PPFIBP1: variants seen among roughly 807,000 people sequenced by gnomAD.
PPFIBP1 encodes the protein PPFIB scaffold protein 1, also known as liprin-beta-1.
A neutral mutation model predicts 137.8 loss-of-function variants in PPFIBP1; 112 were observed. The ratio of observed to expected loss-of-function variants is 0.81; its 90% confidence interval spans 0.70 to 0.95. The LOEUF is 0.95. Among genes scored for constraint, PPFIBP1 ranks in the 40% least tolerant of loss-of-function variants. PPFIBP1 has a pLI of 0.00. For missense variants in PPFIBP1, 1,083 were observed against 1,196.6 expected, an observed-to-expected ratio of 0.91 and a Z score of 1.40; for synonymous variants, 378 against 417.3, an observed-to-expected ratio of 0.91 and a Z score of 1.15.
At chr12:27,583,045 A>G (rs1180576916) in intron 2 of PPFIBP1, among the ~76,000 whole-genome samples, 1 of 152,154 alleles carries the variant, frequency 6.6e-6, no homozygotes, top group Non-Finnish European at 1.5e-5. Context: ...TGATATTAAG[A>G]TATTTTTGAG....
At chr12:27,544,178 C>T (rs1282519687) in intron 1 of PPFIBP1, among the ~76,000 whole-genome samples, 2 of 152,090 alleles carry the variant, frequency 1.3e-5, no homozygotes, top group African/African-American at 4.8e-5. Context: ...CATCATGTCC[C>T]CCCTGATTTT....
chr12:27,652,878 T>C (rs1348110297), intron 7 of PPFIBP1, among the ~76,000 whole-genome samples: 1 of 152,234 alleles, frequency 6.6e-6, no homozygotes, highest in Admixed American at 6.5e-5. Context: ...CTGATTTTTT[T>C]CTTTAGACTT....
chr12:27,626,509 G>T (rs979756107), intron 2 of PPFIBP1, among the ~76,000 whole-genome samples: 2 of 152,100 alleles, frequency 1.3e-5, no homozygotes, highest in African/African-American at 2.4e-5. Context: ...AACACCGATT[G>T]CTGGGCCTGC....
chr12:27,685,199 T>G lies in PPFIBP1; in HGVS notation c.2248-2186T>G, dbSNP rs113809117. ...AGTATTATACACACATATGTAATAC[T>G]GTAGATACATAGAGTATGTATATAT... On this transcript the variant is annotated intron_variant, in intron 24 of 29. Transcript: ENST00000228425. Among the ~76,000 whole-genome samples the G allele has an allele frequency of 8.5e-4, 128 of 151,432 alleles. 3 individuals are homozygous for G. The highest frequency in any genetic ancestry group is 3.0e-3 in the African/African-American group (124 of 40,866).
At chr12:27,635,594 C>G in intron 4 of PPFIBP1, 1 of 172,334 alleles carries the variant, frequency 5.8e-6, no homozygotes, top group Non-Finnish European at 1.3e-5. Flanking sequence ...AGTTCCAGTT[C>G]CCGAATTAAA....
At chr12:27,554,881 T>C (rs1042153060) in intron 1 of PPFIBP1, among the ~76,000 whole-genome samples, 2 of 151,898 alleles carry the variant, frequency 1.3e-5, no homozygotes, top group African/African-American at 4.8e-5. Flanking sequence ...TTGTGTCCCC[T>C]TCGGAGTGGT....
chr12:27,687,321 C>T (rs1326188410), intron 24 of PPFIBP1, 64 bp from the exon 25 acceptor site: 8 of 1,554,178 alleles, frequency 5.1e-6, no homozygotes, highest in East Asian at 2.3e-5. Flanking sequence ...TTCTGAGATT[C>T]CCTAAGAAAG....
At chr12:27,674,898 G>A (rs936655349) in intron 17 of PPFIBP1, among the ~76,000 whole-genome samples, 2 of 139,938 alleles carry the variant, frequency 1.4e-5, no homozygotes, top group South Asian at 2.2e-4. Flanking sequence ...CTGTAGCCTC[G>A]ATTTCCTGGG....
At chr12:27,645,438 ATT>A (rs57495507) in intron 4 of PPFIBP1, among the ~76,000 whole-genome samples, 73,984 of 151,666 alleles carry the variant, frequency 0.49, 18,367 homozygotes, top group East Asian at 0.59. Flanking sequence ...CTGAAACATG[ATT>A]TTTTTTTAAA....
Position 27,592,780 on chromosome 12 carries a change from G to T in PPFIBP1, c.-36+14541G>T, listed in dbSNP as rs189407032. ...AGAAAATAAAGAATATGTTAGGTAG[G>T]CGTAACCATGACAGCAGCCAAGTCA... On this transcript the variant is annotated intron_variant, in intron 2 of 29. Transcript: ENST00000228425. The T allele has an allele frequency of 3.6e-4, 273 of 757,046 alleles. 2 individuals carry two copies. The African/African-American group carries it at 3.7e-3, about 10-fold the overall frequency. The allele number at this position is 757,046 out of a possible 1,614,324, so 46.9% of individuals were successfully genotyped here.
intron 2 of PPFIBP1, among the ~76,000 whole-genome samples, chr12:27,613,269 G>A (rs923262197): frequency 3.3e-5 from 5 of 152,232 alleles, no homozygotes; most frequent in African/African-American, 1.2e-4. Context: ...TCCATCTGGT[G>A]ACCTGATGGT....
chr12:27,627,190 G>A (rs1166054370), intron 2 of PPFIBP1, among the ~76,000 whole-genome samples: 2 of 152,132 alleles, frequency 1.3e-5, no homozygotes, highest in African/African-American at 4.8e-5. Context: ...TAGCAAATAT[G>A]ATGTCTCTGT....
Position 27,682,414 on chromosome 12 carries a change from C to G in PPFIBP1, c.2074C>G (p.Arg692Gly), listed in dbSNP as rs753382703. 6.2e-7 allele frequency: 1 copy of G among 1,613,216 alleles called. No homozygotes were observed. The highest frequency in any genetic ancestry group is 1.3e-5 in the African/African-American group (1 of 74,914). Residue 692 changes from arginine to glycine, a missense_variant, in exon 23 of 30, where the codon CGA becomes GGA. By Grantham distance (125) the Arg-to-Gly change is moderately radical. Coordinates refer to ENST00000228425, the MANE Select transcript of PPFIBP1 (RefSeq NM_003622.4). ...KELGIKHSLH[R>G]KKLQLALQAL... ...ACTTGGAATCAAGCATTCACTTCAT[C>G]GAAAGAAACTCCAGCTAGCACTCCA...
At chr12:27,594,172 CT>C in intron 2 of PPFIBP1, 5 of 252,774 alleles carry the variant, frequency 2.0e-5, no homozygotes, top group Non-Finnish European at 2.8e-5. Context: ...ATCCCCTTTT[CT>C]ATTTTTTTTT....
rs759688929 is a variant in PPFIBP1 at position 27,660,888 on chromosome 12, C to G, written c.849C>G (p.Ile283Met). 1 of 1,612,814 alleles carries G rather than the reference C, an allele frequency of 6.2e-7. No homozygotes were observed. The highest frequency in any genetic ancestry group is 1.1e-5 in the South Asian group (1 of 90,896). The change falls in exon 11 of 30, where the codon ATC becomes ATG. Residue 283 changes from isoleucine (I) to methionine (M), a missense_variant. Coordinates refer to ENST00000228425, the MANE Select transcript of PPFIBP1 (RefSeq NM_003622.4). ...CTGATTTGATGTTATTTTCAGACAT[C>G]GAAGTACAAAAAATGAAAAAAGCTG... ...NFKKKLKEKN[I>M]EVQKMKKAVE... is the part of the protein sequence containing the mutation.
chr12:27,626,241 A>AT (rs1397798558), intron 2 of PPFIBP1, among the ~76,000 whole-genome samples: 2 of 152,218 alleles, frequency 1.3e-5, no homozygotes, highest in South Asian at 2.1e-4. Flanking sequence ...TGTTGCACGC[A>AT]TAAGTACCTA....
intron 24 of PPFIBP1, among the ~76,000 whole-genome samples, chr12:27,685,339 T>C (rs1231876630): frequency 6.6e-6 from 1 of 151,990 alleles, no homozygotes; most frequent in Admixed American, 6.6e-5. Context: ...TTATTATCCC[T>C]ACTTTTTTAC....
intron 19 of PPFIBP1, chr12:27,677,847 T>C (rs1593322933): frequency 6.6e-6 from 1 of 152,288 alleles, no homozygotes; most frequent in Non-Finnish European, 1.5e-5. Flanking sequence ...AAAGTTCCTT[T>C]GGGTTTTTCC....
At chr12:27,644,121 G>A (rs118117792) in intron 4 of PPFIBP1, among the ~76,000 whole-genome samples, 6,864 of 152,134 alleles carry the variant, frequency 0.045, 169 homozygotes, top group Non-Finnish European at 0.061. Flanking sequence ...TTGTTGCCCA[G>A]CCTGGAGTGC....
Sources: gnomAD v4.1 joint callset for allele counts (sites outside exome capture counted in the v4.1 genomes callset) on GRCh38, gnomAD v4.1.1 for gene constraint, MANE v1.5 for transcripts, NCBI Gene and HGNC (gene_info 2026-07-23, HGNC 2026-07-21) for gene names.